ABCA13: variants seen among roughly 807,000 people sequenced by gnomAD.
ABCA13 encodes the protein ATP binding cassette subfamily A member 13.
Under a neutral mutation model 478.7 loss-of-function variants are expected in ABCA13, and 476 were observed. The observed-to-expected ratio is 0.99, with a 90% CI of 0.92 to 1.07. The LOEUF is 1.07. ABCA13 is among the 50% of genes least tolerant of loss of function. The pLI, the probability that ABCA13 is intolerant of heterozygous loss-of-function variation, is 0.00. For synonymous variants in ABCA13, 2,252 were observed against 2,158.9 expected (o/e 1.04, Z -1.20); for missense variants, 6,060 against 5,910.6 (o/e 1.03, Z -0.83).
At chr7:48,582,026 G>C (rs763960631) in intron 56 of ABCA13, among the ~76,000 whole-genome samples, 1 of 152,178 alleles carries the variant, frequency 6.6e-6, no homozygotes, top group Admixed American at 6.5e-5. Context: ...ATCAGGTACT[G>C]TTCTAAGTAT....
At chr7:48,223,391 G>A (rs1163113722) in intron 5 of ABCA13, among the ~76,000 whole-genome samples, 1 of 152,126 alleles carries the variant, frequency 6.6e-6, no homozygotes, top group Non-Finnish European at 1.5e-5. Flanking sequence ...ACAGAGCAGA[G>A]AAAGAGGGCT....
chr7:48,602,717 G>C (rs1221046793), intron 58 of ABCA13, among the ~76,000 whole-genome samples: 1 of 151,680 alleles, frequency 6.6e-6, no homozygotes, highest in Non-Finnish European at 1.5e-5. Flanking sequence ...GCTCTTTTTT[G>C]GTTCCATATG....
chr7:48,298,034 C>T (rs749217253), intron 22 of ABCA13, among the ~76,000 whole-genome samples: 2 of 151,358 alleles, frequency 1.3e-5, no homozygotes, highest in South Asian at 2.1e-4. Flanking sequence ...CTGCCCACCT[C>T]GGCCTCCCAA....
At chr7:48,192,932 GA>G (rs1407828016) in intron 1 of ABCA13, 26 bp from the exon 2 acceptor site, 1 of 1,146,652 alleles carries the variant, frequency 8.7e-7, no homozygotes, top group African/African-American at 1.6e-5. Flanking sequence ...TTATTCAGGT[GA>G]TTTTTTTTTT....
At chr7:48,215,723 T>C (rs747780054) in intron 3 of ABCA13, among the ~76,000 whole-genome samples, 14 of 152,090 alleles carry the variant, frequency 9.2e-5, no homozygotes, top group Non-Finnish European at 1.9e-4. Context: ...GACAAGAAAA[T>C]CTAAATGTAT....
At chr7:48,642,527 T>G (rs1795166924) in intron 59 of ABCA13, among the ~76,000 whole-genome samples, 1 of 152,228 alleles carries the variant, frequency 6.6e-6, no homozygotes, top group Non-Finnish European at 1.5e-5. Context: ...GAGATTTTAG[T>G]CATCAGAGTA....
At chr7:48,258,138 G>T (rs912848550) in intron 15 of ABCA13, among the ~76,000 whole-genome samples, 5 of 152,110 alleles carry the variant, frequency 3.3e-5, no homozygotes, top group Non-Finnish European at 7.4e-5. Flanking sequence ...TGCTCAGGCT[G>T]GTCTTGAACT....
At chr7:48,200,167 C>T (rs147985310) in intron 3 of ABCA13, among the ~76,000 whole-genome samples, 1,551 of 152,120 alleles carry the variant, frequency 0.01, 11 homozygotes, top group Admixed American at 0.022. Flanking sequence ...GAGTTCAAGA[C>T]CAGCCTGGCC....
Position 48,279,766 on chromosome 7 carries a change from G to T in ABCA13, c.8572G>T (p.Gly2858Ter), listed in dbSNP as rs758362582. 1 of 1,610,398 alleles carries T rather than the reference G, an allele frequency of 6.2e-7. No individual in the cohort carries two copies. The highest frequency in any genetic ancestry group is 8.5e-7 in the Non-Finnish European group (1 of 1,179,038). ...TGAGATTTTCATTAAAGCAACCACC[G>T]GAAAGAATGTCACATCAGAAAAAGA... ...LFEIFIKATT[G>*]KNVTSEKEER... The change falls in exon 18 of 62, where the codon GGA becomes TGA. Residue 2858 changes from glycine to a stop codon, truncating the protein, a stop_gained. Coordinates refer to ENST00000435803, the MANE Select transcript of ABCA13 (RefSeq NM_152701.5). LOFTEE classifies it high-confidence loss of function.
rs193012728 is a variant in ABCA13, at chr7:48,314,109, A to G, written c.9682-123A>G. On this transcript the variant is annotated intron_variant, in intron 25 of 61. Coordinates refer to ENST00000435803, the MANE Select transcript of ABCA13 (RefSeq NM_152701.5). ...CAGAAAACTCTAAAGCAGACATTCC[A>G]TTCTTTTGACTTGTTGAATATCTTG... 3.8e-3 allele frequency: 4,428 copies of G among 1,155,838 alleles called. 20 individuals carry two copies. Among genetic ancestry groups the G allele is most frequent in the Non-Finnish European group, 3.8e-3 (3,159 of 824,310 alleles). 71.6% of individuals were successfully genotyped at this position (1,155,838 alleles called of 1,614,324 possible).
In ABCA13 at chr7:48,227,279, C is replaced by T. The variant is rs17132152; in HGVS notation, c.486C>T (p.Thr162=). 46 of 1,613,542 alleles carry T rather than the reference C, an allele frequency of 2.9e-5. No homozygotes were observed. Among genetic ancestry groups the T allele is most frequent in the East Asian group, 4.5e-5 (2 of 44,850 alleles). ...CCCATCAGATGGATCTCAATAAGAC[C>T]GAGGAGGTAATATTGAAACTGGAAA... is the stretch of plus-strand genomic sequence containing the variant. ...SSFFTMDLNK[T]EEVILKLESL... Residue 162 remains threonine, a synonymous_variant, in exon 6 of 62, where the codon ACC becomes ACT. Coordinates refer to ENST00000435803, the MANE Select transcript of ABCA13 (RefSeq NM_152701.5).
At chr7:48,333,257 C>T (rs974184349) in intron 27 of ABCA13, among the ~76,000 whole-genome samples, 3 of 152,064 alleles carry the variant, frequency 2.0e-5, no homozygotes, top group Non-Finnish European at 4.4e-5. Flanking sequence ...CTTGTATTTG[C>T]GTTATTGCAT....
chr7:48,451,682 C>T (rs1381236835), intron 42 of ABCA13, among the ~76,000 whole-genome samples: 1 of 152,066 alleles, frequency 6.6e-6, no homozygotes, highest in Non-Finnish European at 1.5e-5. Flanking sequence ...GTTTGTAAAG[C>T]TTTATTATAA....
At chr7:48,204,931 C>G (rs1160788832) in intron 3 of ABCA13, among the ~76,000 whole-genome samples, 1 of 152,174 alleles carries the variant, frequency 6.6e-6, no homozygotes, top group Non-Finnish European at 1.5e-5. Flanking sequence ...AGCCCAGAGT[C>G]TCCCCTCCTG....
intron 55 of ABCA13, among the ~76,000 whole-genome samples, chr7:48,577,602 A>C (rs1269883950): frequency 6.6e-6 from 1 of 152,164 alleles, no homozygotes; most frequent in East Asian, 1.9e-4. Flanking sequence ...ATGACCATAA[A>C]AGCAAAAGCA....
chr7:48,206,365 A>T (rs1225257675), intron 3 of ABCA13, among the ~76,000 whole-genome samples: 3 of 152,244 alleles, frequency 2.0e-5, no homozygotes, highest in African/African-American at 7.2e-5. Flanking sequence ...GACATGCTGT[A>T]CAGGTGTGTA....
chr7:48,265,260 T>C (rs1794723472), intron 15 of ABCA13, among the ~76,000 whole-genome samples: 1 of 151,628 alleles, frequency 6.6e-6, no homozygotes, highest in South Asian at 2.1e-4. Flanking sequence ...AAAATGTTTT[T>C]AACTATTCTA....
At chr7:48,528,401 C>G in intron 55 of ABCA13, 56 bp downstream of exon 55, 1 of 1,221,142 alleles carries the variant, frequency 8.2e-7, no homozygotes, top group Non-Finnish European at 1.1e-6. Context: ...GCCCAGAGAA[C>G]CCCCAGCATT....
Position 48,234,023 on chromosome 7 carries a change from G to T in ABCA13, c.769G>T (p.Val257Phe). The change falls in exon 8 of 62, where the codon GTT (valine) becomes TTT (phenylalanine). Residue 257 changes from valine (V) to phenylalanine (F), a missense_variant. Physicochemically the swap from Val to Phe is conservative, Grantham distance 50 (BLOSUM62 -1). This residue lies in a region of ABCA13 where 4,423 missense variants were observed against 4,309.1 expected (regional missense o/e 1.03). Coordinates refer to ENST00000435803, the MANE Select transcript of ABCA13 (RefSeq NM_152701.5). ...QQHGVAVTEP[V>F]YHLSMQNIVW... ...ATCTTTTGTTATTCCAACAGAGCCA[G>T]TTTACCACCTGTCCATGCAGAATAT... 1 of 1,613,934 alleles carries T rather than the reference G, an allele frequency of 6.2e-7. No individual in the cohort carries two copies. The highest frequency in any genetic ancestry group is 1.1e-5 in the South Asian group (1 of 91,068).
Sources: gnomAD v4.1 joint callset for allele counts (sites outside exome capture counted in the v4.1 genomes callset) on GRCh38, gnomAD v4.1.1 for gene constraint, gnomAD v4.1.1 regional missense constraint, MANE v1.5 for transcripts, NCBI Gene and HGNC (gene_info 2026-07-23, HGNC 2026-07-21) for gene names.